RAPGEF5: variants seen among roughly 807,000 people sequenced by gnomAD.
The protein encoded by RAPGEF5 is Rap guanine nucleotide exchange factor 5, also known as M-Ras-regulated GEF.
RAPGEF5 carries 65 observed loss-of-function variants against 125.2 expected under a neutral mutation model. The observed-to-expected ratio is 0.52, with a 90% confidence interval of 0.43 to 0.64. The LOEUF is 0.64. RAPGEF5 is among the 30% of genes least tolerant of loss of function. RAPGEF5 has a pLI of 0.00. For synonymous variants in RAPGEF5, 391 were observed against 385.9 expected (o/e 1.01, Z -0.16); for missense variants, 958 against 1,048.1 (o/e 0.91, Z 1.19).
chr7:22,124,459 T>A (rs1187532415), intron 25 of RAPGEF5, among the ~76,000 whole-genome samples: 4 of 152,354 alleles, frequency 2.6e-5, no homozygotes, highest in Non-Finnish European at 4.4e-5. Context: ...TTAGGTCCTG[T>A]ATTTATAAGT....
At chr7:22,309,373 G>A (rs1321832981) in intron 4 of RAPGEF5, among the ~76,000 whole-genome samples, 1 of 152,176 alleles carries the variant, frequency 6.6e-6, no homozygotes, top group Non-Finnish European at 1.5e-5. Context: ...GTGCTTTTCA[G>A]TGACCAACTA....
chr7:22,213,478 C>G (rs1051055709), intron 9 of RAPGEF5, among the ~76,000 whole-genome samples: 1 of 152,160 alleles, frequency 6.6e-6, no homozygotes, highest in African/African-American at 2.4e-5. Context: ...TGTATAAATT[C>G]TTTCCCCAGC....
rs1253961437 is a variant in RAPGEF5 at position 22,217,983 on chromosome 7, T to C, written c.996+1883A>G. Reference sequence around the variant, plus strand: ...TGTAGATTTCTTTTTTTTTTAATTATACTTTAAGTTTTAGGGTACATGTGC... The same window carrying C: ...TGTAGATTTCTTTTTTTTTTAATTACACTTTAAGTTTTAGGGTACATGTGC... On this transcript the variant is annotated intron_variant, in intron 9 of 25. Transcript: ENST00000665637. Among the ~76,000 whole-genome samples, 4 of 152,274 alleles carry C rather than the reference T, an allele frequency of 2.6e-5. No individual in the cohort carries two copies. In the East Asian group the frequency reaches 7.7e-4, roughly 29 times the overall value.
intron 5 of RAPGEF5, among the ~76,000 whole-genome samples, chr7:22,292,633 C>A (rs762677848): frequency 6.6e-6 from 1 of 152,160 alleles, no homozygotes; most frequent in Non-Finnish European, 1.5e-5. Flanking sequence ...AGACTGGAAA[C>A]GCTTTATAAC....
At chr7:22,211,707 C>T (rs1229614458) in intron 9 of RAPGEF5, among the ~76,000 whole-genome samples, 2 of 151,748 alleles carry the variant, frequency 1.3e-5, no homozygotes, top group Admixed American at 6.6e-5. Context: ...CACATTGCAA[C>T]GGAGGAATGT....
chr7:22,212,603 A>G (rs962903221), intron 9 of RAPGEF5, among the ~76,000 whole-genome samples: 1 of 152,196 alleles, frequency 6.6e-6, no homozygotes, highest in African/African-American at 2.4e-5. Context: ...AAACCTTGGA[A>G]GTACACAGTT....
chr7:22,241,207 C>A (rs573219869), intron 7 of RAPGEF5, among the ~76,000 whole-genome samples: 11 of 152,166 alleles, frequency 7.2e-5, no homozygotes, highest in Non-Finnish European at 1.0e-4. Flanking sequence ...ACATTTATTG[C>A]AACTTTTTGC....
At chr7:22,243,349 C>G (rs77246172) in intron 7 of RAPGEF5, among the ~76,000 whole-genome samples, 6,737 of 152,124 alleles carry the variant, frequency 0.044, 492 homozygotes, top group African/African-American at 0.15. Flanking sequence ...CACTGTCTCC[C>G]GGATTCAAGT....
At chr7:22,180,034 G>GT (rs1784626838) in intron 11 of RAPGEF5, among the ~76,000 whole-genome samples, 1 of 152,080 alleles carries the variant, frequency 6.6e-6, no homozygotes, top group African/African-American at 2.4e-5. Flanking sequence ...TACTCTATGG[G>GT]TTCGCCTTGA....
chr7:22,122,566 A>G, intron 25 of RAPGEF5, 45 bp from the exon 26 acceptor site: 1 of 1,413,126 alleles, frequency 7.1e-7, no homozygotes, highest in South Asian at 1.2e-5. Flanking sequence ...GAGAGCAGTA[A>G]TGCTGTATCT....
At chr7:22,356,170 G>A in intron 1 of RAPGEF5, 2 of 985,260 alleles carry the variant, frequency 2.0e-6, no homozygotes, top group Non-Finnish European at 1.2e-6. Flanking sequence ...AACTCAATGA[G>A]GGACACTCCT....
intron 1 of RAPGEF5, among the ~76,000 whole-genome samples, chr7:22,340,252 G>C (rs537295754): frequency 6.6e-6 from 1 of 152,242 alleles, no homozygotes; most frequent in African/African-American, 2.4e-5. Flanking sequence ...AGAGAGACTG[G>C]GAAAACAGCC....
intron 20 of RAPGEF5, among the ~76,000 whole-genome samples, chr7:22,141,753 T>G (rs1433032663): frequency 1.3e-5 from 2 of 152,216 alleles, no homozygotes; most frequent in African/African-American, 4.8e-5. Context: ...TGTCCAGCTT[T>G]TGGCTCTGCC....
chr7:22,192,581 C>T (rs896568442), intron 11 of RAPGEF5: 2 of 152,196 alleles, frequency 1.3e-5, no homozygotes, highest in Non-Finnish European at 2.9e-5. Flanking sequence ...ATGCAGGCTA[C>T]AGTCAGAGGC....
chr7:22,336,494 T>A (rs535490981), intron 1 of RAPGEF5, among the ~76,000 whole-genome samples: 2 of 152,294 alleles, frequency 1.3e-5, no homozygotes, highest in South Asian at 4.1e-4. Flanking sequence ...ATCAATTATG[T>A]ATGTTAGACA....
At chr7:22,206,029 T>C (rs1455166823) in intron 9 of RAPGEF5, among the ~76,000 whole-genome samples, 1 of 152,198 alleles carries the variant, frequency 6.6e-6, no homozygotes, top group Non-Finnish European at 1.5e-5. Context: ...GAGTAATCAA[T>C]TGGTATCCTT....
chr7:22,246,020 T>C (rs1413159299), intron 7 of RAPGEF5, among the ~76,000 whole-genome samples: 1 of 151,930 alleles, frequency 6.6e-6, no homozygotes. Flanking sequence ...TACATCTAAC[T>C]AGAGAGGTGA....
At chr7:22,224,524 C>A (rs1370353203) in intron 8 of RAPGEF5, among the ~76,000 whole-genome samples, 2 of 152,010 alleles carry the variant, frequency 1.3e-5, no homozygotes, top group Non-Finnish European at 2.9e-5. Context: ...TGCTAATGAC[C>A]CTCCAAAATG....
chr7:22,133,778 T>C (rs1782994841), intron 23 of RAPGEF5, among the ~76,000 whole-genome samples: 1 of 152,186 alleles, frequency 6.6e-6, no homozygotes, highest in Admixed American at 6.5e-5. Context: ...CCCCAGCACT[T>C]AGTGTTTCCC....
Sources: allele counts gnomAD v4.1 joint callset (sites outside exome capture counted in the v4.1 genomes callset), GRCh38; gene constraint gnomAD v4.1.1; transcripts MANE v1.5; gene names NCBI Gene and HGNC (gene_info 2026-07-23, HGNC 2026-07-21).